Variants in ZYG11A observed in about 807,000 individuals in gnomAD.
ZYG11A encodes zyg-11 family member A, cell cycle regulator, also known as protein zyg-11 homolog A.
In ZYG11A, 62 loss-of-function variants were observed where a neutral mutation model predicts 77.2. The observed-to-expected ratio is 0.80, with a 90% CI of 0.65 to 0.99. The LOEUF is 0.99. Ranked by LOEUF, ZYG11A falls within the 50% of genes least tolerant of loss-of-function variation. ZYG11A has a pLI of 0.00. For missense variants in ZYG11A, 828 were observed against 896.8 expected, an observed-to-expected ratio of 0.92 and a Z score of 0.98; for synonymous variants, 315 against 324.6, an observed-to-expected ratio of 0.97 and a Z score of 0.32.
At chr1:52,848,966 T>G (rs556006040) in intron 1 of ZYG11A, among the ~76,000 whole-genome samples, 101 of 152,340 alleles carry the variant, frequency 6.6e-4, no homozygotes, top group South Asian at 2.5e-3. Context: ...TTCAATATAG[T>G]TAAACCACAG....
intron 10 of ZYG11A, among the ~76,000 whole-genome samples, chr1:52,879,106 T>C (rs1192467014): frequency 6.6e-6 from 1 of 152,152 alleles, no homozygotes; most frequent in African/African-American, 2.4e-5. Context: ...GTACTGACTC[T>C]CAATCAAGGT....
rs373329563 is a variant in ZYG11A, at chr1:52,860,707, G to C, written c.1009-24G>C. The C allele has an allele frequency of 2.7e-5, 42 of 1,549,364 alleles. No individual in the cohort carries two copies. The African/African-American group carries it at 5.3e-4, about 20-fold the overall frequency. On this transcript the variant is annotated intron_variant, in intron 3 of 13. Transcript: ENST00000371528. ...TGAAAAAATATGAATGGTGAAACCTGTTTGGTAACATCTTTATTTTCAGGT... is the reference window on the plus strand; with the variant it reads ...TGAAAAAATATGAATGGTGAAACCTCTTTGGTAACATCTTTATTTTCAGGT...
intron 8 of ZYG11A, among the ~76,000 whole-genome samples, chr1:52,876,796 A>G (rs772114553): frequency 2.6e-5 from 4 of 152,200 alleles, no homozygotes; most frequent in Admixed American, 1.3e-4. Flanking sequence ...TCTTCTTGAA[A>G]ATATACATTC....
intron 11 of ZYG11A, among the ~76,000 whole-genome samples, chr1:52,883,152 TGTTGTCCAGGCTG>T (rs544790623): frequency 6.6e-6 from 1 of 152,292 alleles, no homozygotes; most frequent in South Asian, 2.1e-4. Flanking sequence ...GCTCTCACTC[TGTTGTCCAGGCTG>T]GAGTGCAGTG....
At chr1:52,892,452 C>G (rs1034111774) in intron 13 of ZYG11A, among the ~76,000 whole-genome samples, 1 of 150,986 alleles carries the variant, frequency 6.6e-6, no homozygotes, top group Non-Finnish European at 1.5e-5. Flanking sequence ...TGCTTGAGCC[C>G]GGGAGGTGGA....
intron 2 of ZYG11A, 103 bp from the exon 3 acceptor site, chr1:52,856,895 A>C (rs1645822770): frequency 1.6e-6 from 2 of 1,230,954 alleles, no homozygotes; most frequent in Admixed American, 5.7e-5. Flanking sequence ...AAATGTTGTC[A>C]TTATTGTTAT....
rs6667876 is a variant in ZYG11A, at chr1:52,843,647, C to T, written c.90+674C>T. Reference sequence around the variant, plus strand: ...GCAAACCCAAAGAATGTGTGTTTAGCGCCTGCTGTGTGTTAAGTGTCGCCT... The same window carrying T: ...GCAAACCCAAAGAATGTGTGTTTAGTGCCTGCTGTGTGTTAAGTGTCGCCT... On this transcript the variant is annotated intron_variant, in intron 1 of 13. Coordinates refer to ENST00000371528, the MANE Select transcript of ZYG11A (RefSeq NM_001004339.3). Among the ~76,000 whole-genome samples, 961 of 152,050 alleles carry T rather than the reference C, an allele frequency of 6.3e-3. 14 individuals are homozygous for T. The highest frequency in any genetic ancestry group is 0.022 in the African/African-American group (924 of 41,484).
chr1:52,843,144 G>A (rs1328301122), intron 1 of ZYG11A, among the ~76,000 whole-genome samples, 171 bp downstream of exon 1: 1 of 152,084 alleles, frequency 6.6e-6, no homozygotes, highest in Non-Finnish European at 1.5e-5. Context: ...CTGCGGAGGT[G>A]CGTTGTCGGG....
At position 52,857,815 on chromosome 1, in the gene ZYG11A, C is replaced by G. The variant is rs913151120; in HGVS notation, c.1008+66C>G. ...AACATTATTAAACTCGTGCTATAGA[C>G]CAGACTTTTTACTAGGTATTAGGGT... On this transcript the variant is annotated intron_variant, in intron 3 of 13. Coordinates refer to ENST00000371528, the MANE Select transcript of ZYG11A (RefSeq NM_001004339.3). 4.2e-6 allele frequency: 6 copies of G among 1,414,494 alleles called. No homozygotes were observed. The South Asian group carries it at 9.1e-5, about 22-fold the overall frequency. The allele number at this position is 1,414,494 out of a possible 1,614,324, so 87.6% of individuals were successfully genotyped here.
At chr1:52,874,065 C>T (rs1453923288) in intron 8 of ZYG11A, among the ~76,000 whole-genome samples, 4 of 150,514 alleles carry the variant, frequency 2.7e-5, no homozygotes, top group African/African-American at 4.9e-5. Flanking sequence ...GGGCAAACAT[C>T]ATTGCTATCT....
chr1:52,884,531 G>C (rs1255182887), intron 11 of ZYG11A, among the ~76,000 whole-genome samples: 1 of 151,382 alleles, frequency 6.6e-6, no homozygotes, highest in Non-Finnish European at 1.5e-5. Flanking sequence ...GTGGGCACCT[G>C]TAATCCCAGC....
At position 52,857,474 on chromosome 1, in the gene ZYG11A, A is replaced by G. The variant is rs551323492; in HGVS notation, c.733A>G (p.Lys245Glu). The G allele has an allele frequency of 6.4e-7, 1 of 1,552,300 alleles. No individual in the cohort carries two copies. Among genetic ancestry groups the G allele is most frequent in the Admixed American group, 2.0e-5 (1 of 51,016 alleles). ...CTATCTGAAATGCCTGGCCATGACC[A>G]AATCACAAATTCTTGCAGTCATTAG... ...MHYLKCLAMT[K>E]SQILAVIREL... is the part of the protein sequence containing the mutation. Residue 245 changes from lysine to glutamate, a missense_variant, in exon 3 of 14, where the codon AAA (lysine) becomes GAA (glutamate). Coordinates refer to ENST00000371528, the MANE Select transcript of ZYG11A (RefSeq NM_001004339.3).
intron 8 of ZYG11A, among the ~76,000 whole-genome samples, 181 bp downstream of exon 8, chr1:52,867,958 C>CTTT (rs1050261180): frequency 0.022 from 2,188 of 98,056 alleles, 364 homozygotes; most frequent in East Asian, 0.11. Context: ...CTCCACATTT[C>CTTT]TTTTTTTTTT....
chr1:52,857,805 G>A (rs773766730), intron 3 of ZYG11A, 56 bp downstream of exon 3: 17 of 1,452,612 alleles, frequency 1.2e-5, no homozygotes, highest in African/African-American at 4.3e-5. Flanking sequence ...TATTAAACTC[G>A]TGCTATAGAC....
Position 52,857,284 on chromosome 1 carries a change from TG to T in ZYG11A, c.545del (p.Gly182ValfsTer5). ...GATTACTGTTCTTTAGTCAGCTCAC[TG>T]GTCTTCGCATTTTAAGTGTTTTTAA... ...SRLLFFSQLT[G>X]LRILSVFNVC... On this transcript the variant is annotated frameshift_variant, in exon 3 of 14. Coordinates refer to ENST00000371528, the MANE Select transcript of ZYG11A (RefSeq NM_001004339.3). LOFTEE classifies it high-confidence loss of function. 1 of 1,552,148 alleles carries T rather than the reference TG, an allele frequency of 6.4e-7. No individual in the cohort carries two copies.
intron 8 of ZYG11A, among the ~76,000 whole-genome samples, chr1:52,870,182 GGGA>G (rs1557446028): frequency 1.4e-4 from 9 of 63,538 alleles, no homozygotes; most frequent in African/African-American, 3.0e-4. Flanking sequence ...CTTCCTAGAT[GGGA>G]TGGCGGCCGG....
At chr1:52,864,245 ATTTG>A in intron 5 of ZYG11A, 88 bp downstream of exon 5, 1 of 1,351,408 alleles carries the variant, frequency 7.4e-7, no homozygotes, top group Non-Finnish European at 1.0e-6. Flanking sequence ...CCGTGGCACA[ATTTG>A]TTTTTGTTTT....
rs201478334 is a variant in ZYG11A, at chr1:52,881,515, C to T, written c.1794C>T (p.Thr598=). The change falls in exon 11 of 14, where the codon ACC becomes ACT. Residue 598 remains threonine (T), a synonymous_variant. Coordinates refer to ENST00000371528, the MANE Select transcript of ZYG11A (RefSeq NM_001004339.3). ...EVRELSSKLV[T]EDVLKHINSL... is the part of the protein sequence containing the mutation. ...GAGAGCTCTCTTCCAAGCTGGTGAC[C>T]GAAGATGTGCTGAAGCATATCAACA... The T allele has an allele frequency of 3.2e-5, 50 of 1,551,304 alleles. No homozygotes were observed. In the African/African-American group the frequency reaches 3.6e-4, roughly 11 times the overall value.
chr1:52,876,986 A>ACC (rs1351153608), intron 8 of ZYG11A, among the ~76,000 whole-genome samples: 1 of 152,094 alleles, frequency 6.6e-6, no homozygotes, highest in Non-Finnish European at 1.5e-5. Flanking sequence ...GTTTAAGTGA[A>ACC]CCAGTGGCCT....
Sources: gnomAD v4.1 joint callset for allele counts (sites outside exome capture counted in the v4.1 genomes callset) on GRCh38, gnomAD v4.1.1 for gene constraint, MANE v1.5 for transcripts, NCBI Gene and HGNC (gene_info 2026-07-23, HGNC 2026-07-21) for gene names.